Variants in SV2C observed in about 807,000 individuals in gnomAD.
SV2C encodes the protein synaptic vesicle glycoprotein 2C, also known as solute carrier family 22 member B3.
A neutral mutation model predicts 79.7 loss-of-function variants in SV2C; 49 were observed. The ratio of observed to expected loss-of-function variants is 0.61; its 90% CI spans 0.49 to 0.78. The LOEUF is 0.78. Ranked by LOEUF, SV2C falls within the 30% of genes least tolerant of loss-of-function variation. SV2C has a pLI of 0.00. For missense variants in SV2C, 833 were observed against 912.9 expected, an observed-to-expected ratio of 0.91 and a Z score of 1.13; for synonymous variants, 334 against 333.2, an observed-to-expected ratio of 1.00 and a Z score of -0.03.
chr5:76,298,771 G>A (rs372121299), intron 9 of SV2C, 23 bp from the exon 10 acceptor site: 2 of 1,610,546 alleles, frequency 1.2e-6, no homozygotes, highest in African/African-American at 1.3e-5. Context: ...TGATTGATAT[G>A]AATTTTTCTG....
chr5:76,174,304 C>T (rs1580329730), intron 2 of SV2C: 6 of 911,430 alleles, frequency 6.6e-6, no homozygotes, highest in Non-Finnish European at 1.0e-5. Flanking sequence ...GCGGTCCTGC[C>T]GCTGCCGCGC....
chr5:75,999,484 C>A, the SV2C span, among the ~76,000 whole-genome samples: 1 of 151,756 alleles, frequency 6.6e-6, no homozygotes, highest in Non-Finnish European at 1.5e-5. Context: ...CAGGTTGGAG[C>A]CCCAGGAAAG....
the SV2C span, among the ~76,000 whole-genome samples, chr5:75,865,169 C>G: frequency 7.9e-5 from 12 of 152,138 alleles, no homozygotes; most frequent in Non-Finnish European, 1.5e-5. Context: ...TGACCACATA[C>G]CTGGAATTGC....
chr5:76,348,686 G>A (rs1324448719), intron 12 of SV2C, among the ~76,000 whole-genome samples: 5 of 152,258 alleles, frequency 3.3e-5, no homozygotes, highest in South Asian at 4.1e-4. Flanking sequence ...AAATCTTTAG[G>A]TGCCCTGTAG....
rs114026849 is a variant in SV2C at position 76,181,174 on chromosome 5, A to G, written c.581-13745A>G. Among the ~76,000 whole-genome samples, 1,416 of 152,246 alleles carry G rather than the reference A, an allele frequency of 9.3e-3. 15 individuals are homozygous for G. Among genetic ancestry groups the G allele is most frequent in the African/African-American group, 0.032 (1,337 of 41,534 alleles). ...CTAAAGCAGGAGTCCATAAATGACA[A>G]CCAACAGCTCCGATCCAACCCTCTG... On this transcript the variant is annotated intron_variant, in intron 2 of 12. Coordinates refer to ENST00000502798, the MANE Select transcript of SV2C (RefSeq NM_014979.4).
At chr5:75,851,989 G>A in the SV2C span, among the ~76,000 whole-genome samples, 1 of 151,758 alleles carries the variant, frequency 6.6e-6, no homozygotes, top group East Asian at 1.9e-4. Context: ...ATACAGGCAG[G>A]AGGAGGAGAA....
the SV2C span, among the ~76,000 whole-genome samples, chr5:75,963,274 T>G: frequency 6.6e-6 from 1 of 152,170 alleles, no homozygotes; most frequent in Non-Finnish European, 1.5e-5. Flanking sequence ...CCTGTATGCT[T>G]CTTTTATTTG....
At chr5:75,985,336 C>T in the SV2C span, among the ~76,000 whole-genome samples, 1 of 151,964 alleles carries the variant, frequency 6.6e-6, no homozygotes. Flanking sequence ...GGCCCCACCT[C>T]CCAACACTGC....
intron 1 of SV2C, among the ~76,000 whole-genome samples, chr5:76,087,980 G>A (rs1033841702): frequency 6.6e-6 from 1 of 152,194 alleles, no homozygotes. Context: ...GGTTAGTTGA[G>A]TGCAATAAAG....
At chr5:75,943,052 C>A in the SV2C span, among the ~76,000 whole-genome samples, 19 of 152,152 alleles carry the variant, frequency 1.2e-4, no homozygotes, top group African/African-American at 4.3e-4. Flanking sequence ...GGACAGAGAA[C>A]TCAGCTGTGT....
intron 4 of SV2C, among the ~76,000 whole-genome samples, chr5:76,231,151 T>C (rs974153060): frequency 3.9e-5 from 6 of 152,226 alleles, no homozygotes; most frequent in African/African-American, 1.2e-4. Context: ...CAGTTGTTTT[T>C]CTTTGGCCTT....
intron 2 of SV2C, among the ~76,000 whole-genome samples, chr5:76,179,089 T>G (rs1051023846): frequency 2.0e-5 from 3 of 152,226 alleles, no homozygotes; most frequent in Admixed American, 2.0e-4. Flanking sequence ...GAAATGCTGA[T>G]AAATAACGCA....
chr5:76,262,351 C>A (rs1161181173), intron 4 of SV2C, among the ~76,000 whole-genome samples: 1 of 151,978 alleles, frequency 6.6e-6, no homozygotes, highest in Non-Finnish European at 1.5e-5. Context: ...GCCTGGCTAG[C>A]AGCGTATATA....
the SV2C span, chr5:75,921,071 T>C: frequency 1.3e-6 from 1 of 758,744 alleles, no homozygotes; most frequent in Non-Finnish European, 2.3e-6. Context: ...GCGGGCAGTG[T>C]CAGGGATGGG....
chr5:75,886,223 C>G, the SV2C span, among the ~76,000 whole-genome samples: 1 of 152,154 alleles, frequency 6.6e-6, no homozygotes, highest in Non-Finnish European at 1.5e-5. Flanking sequence ...ATAAGACAGC[C>G]TCTAATTTCC....
chr5:76,053,421 A>G, the SV2C span, among the ~76,000 whole-genome samples: 1,793 of 151,402 alleles, frequency 0.012, 41 homozygotes, highest in African/African-American at 0.041. Context: ...GGAGTTCCAT[A>G]TCATTCAGCT....
chr5:76,181,055 T>G (rs1345622321), intron 2 of SV2C, among the ~76,000 whole-genome samples: 1 of 151,616 alleles, frequency 6.6e-6, no homozygotes, highest in Non-Finnish European at 1.5e-5. Flanking sequence ...CTTCATTTCC[T>G]TACCCCAGCC....
At position 76,188,926 on chromosome 5, in the gene SV2C, G is replaced by GTT. The variant is rs1744009453; in HGVS notation, c.581-5993_581-5992insTT. 2.0e-5 allele frequency among the ~76,000 whole-genome samples: 3 copies of GTT among 151,816 alleles called. No individual in the cohort carries two copies. The South Asian group carries it at 6.2e-4, about 32-fold the overall frequency. On this transcript the variant is annotated intron_variant, in intron 2 of 12. Transcript: ENST00000502798. ...GGGTTCCAGGAGCAGGGACAACAGG[G>GTT]CAGCAGCTGTGAAAGCTTACACCTC...
chr5:75,895,805 T>G, the SV2C span, among the ~76,000 whole-genome samples: 1 of 152,126 alleles, frequency 6.6e-6, no homozygotes, highest in Non-Finnish European at 1.5e-5. Context: ...GGCTCTGTCT[T>G]GACTCCCGGA....
Sources: gnomAD v4.1 joint callset for allele counts (sites outside exome capture counted in the v4.1 genomes callset) on GRCh38, gnomAD v4.1.1 for gene constraint, MANE v1.5 for transcripts, NCBI Gene and HGNC (gene_info 2026-07-23, HGNC 2026-07-21) for gene names.